Variants in PCDH15 observed in about 807,000 individuals in gnomAD.
PCDH15 encodes protocadherin-15.
In PCDH15, 129 loss-of-function variants were observed where a neutral mutation model predicts 178.5. The observed-to-expected ratio is 0.72, with a 90% confidence interval of 0.63 to 0.84. PCDH15 has a LOEUF of 0.84. PCDH15 is among the 40% of genes least tolerant of loss of function. The pLI is 0.00. For synonymous variants in PCDH15, 800 were observed against 732.0 expected (o/e 1.09, Z -1.50); for missense variants, 2,230 against 2,099.9 (o/e 1.06, Z -1.21).
intron 3 of PCDH15, among the ~76,000 whole-genome samples, chr10:54,516,102 A>G (rs1303848762): frequency 2.0e-5 from 3 of 152,294 alleles, no homozygotes; most frequent in Middle Eastern, 3.4e-3. Flanking sequence ...CTCCTCCTCC[A>G]AAGGAATGCA....
intron 1 of PCDH15, among the ~76,000 whole-genome samples, chr10:54,776,437 T>TAAA (rs60354820): frequency 4.1e-5 from 6 of 145,300 alleles, no homozygotes; most frequent in African/African-American, 1.5e-4. Context: ...ACCATACAAT[T>TAAA]AAAAAAAAAA....
chr10:55,289,832 TATC>T (rs758077160), intron 1 of PCDH15, among the ~76,000 whole-genome samples: 1 of 152,288 alleles, frequency 6.6e-6, no homozygotes, highest in Non-Finnish European at 1.5e-5. Context: ...AATGGATTAA[TATC>T]ATCATCTAGG....
At chr10:53,914,702 A>G (rs1404451217) in intron 25 of PCDH15, among the ~76,000 whole-genome samples, 1 of 151,820 alleles carries the variant, frequency 6.6e-6, no homozygotes, top group Non-Finnish European at 1.5e-5. Flanking sequence ...AACATGGCAC[A>G]TGTATACCTA....
At chr10:54,070,716 A>C (rs2135856076) in intron 17 of PCDH15, among the ~76,000 whole-genome samples, 1 of 152,184 alleles carries the variant, frequency 6.6e-6, no homozygotes, top group South Asian at 2.1e-4. Flanking sequence ...CAGTCTCCTA[A>C]GTAGGTGGGA....
At chr10:54,993,602 G>C (rs1839563869) in intron 2 of PCDH15, among the ~76,000 whole-genome samples, 1 of 152,030 alleles carries the variant, frequency 6.6e-6, no homozygotes, top group South Asian at 2.1e-4. Flanking sequence ...AATTTGAGTA[G>C]CTGATGAATG....
At chr10:54,507,206 G>A (rs895107815) in intron 3 of PCDH15, among the ~76,000 whole-genome samples, 13 of 151,676 alleles carry the variant, frequency 8.6e-5, no homozygotes, top group African/African-American at 3.1e-4. Context: ...CACATTGTTT[G>A]GAAATCCCAA....
chr10:55,218,947 A>T (rs1307982148), intron 1 of PCDH15, among the ~76,000 whole-genome samples: 1 of 151,994 alleles, frequency 6.6e-6, no homozygotes, highest in Non-Finnish European at 1.5e-5. Flanking sequence ...TATTTTGTTG[A>T]TTTCTCCATT....
intron 15 of PCDH15, among the ~76,000 whole-genome samples, chr10:54,117,225 C>A (rs1590579294): frequency 6.6e-6 from 1 of 152,086 alleles, no homozygotes; most frequent in East Asian, 1.9e-4. Context: ...CTGAGCACAG[C>A]CAGGCACACT....
At chr10:54,427,785 T>C (rs1956475688) in intron 3 of PCDH15, among the ~76,000 whole-genome samples, 1 of 152,170 alleles carries the variant, frequency 6.6e-6, no homozygotes, top group East Asian at 1.9e-4. Flanking sequence ...ATATCAATTT[T>C]TTTGACCTAG....
chr10:55,047,514 T>A (rs1841041660), intron 2 of PCDH15, among the ~76,000 whole-genome samples: 1 of 151,840 alleles, frequency 6.6e-6, no homozygotes, highest in African/African-American at 2.4e-5. Context: ...TTTGAAGAAC[T>A]CATAGCTAAC....
chr10:54,369,423 C>A lies in PCDH15; in HGVS notation c.319-148G>T, dbSNP rs1947315829. 1.3e-5 allele frequency: 10 copies of A among 768,620 alleles called. 1 individual carries two copies. In the East Asian group the frequency reaches 2.7e-4, roughly 21 times the overall value. 47.6% of individuals were successfully genotyped at this position (768,620 alleles called of 1,614,324 possible). ...TCAAAGAAAATGATCATTTTAAGGA[C>A]AAGAGAAGACAATCATAATTAATTT... On this transcript the variant is annotated intron_variant, in intron 4 of 37. Coordinates refer to ENST00000644397, the MANE Select transcript of PCDH15 (RefSeq NM_001384140.1).
chr10:55,073,778 G>C (rs1262050523), intron 2 of PCDH15, among the ~76,000 whole-genome samples: 1 of 152,008 alleles, frequency 6.6e-6, no homozygotes, highest in Non-Finnish European at 1.5e-5. Context: ...TCTAACCGTA[G>C]GCTTTTTTGG....
chr10:54,345,875 C>T (rs1271954848), intron 6 of PCDH15, among the ~76,000 whole-genome samples: 1 of 93,048 alleles, frequency 1.1e-5, no homozygotes, highest in African/African-American at 3.9e-5. Context: ...AGAAAAACAA[C>T]AAAATAAAAC....
At chr10:54,599,979 G>T in intron 2 of PCDH15, 1 of 1,239,624 alleles carries the variant, frequency 8.1e-7, no homozygotes, top group Non-Finnish European at 1.2e-6. Context: ...AAAAAGCCAA[G>T]TCTACTGTGC....
At chr10:54,166,881 C>T (rs538763216) in intron 13 of PCDH15, among the ~76,000 whole-genome samples, 1 of 152,176 alleles carries the variant, frequency 6.6e-6, no homozygotes, top group Non-Finnish European at 1.5e-5. Flanking sequence ...TCCTTTTCCT[C>T]GCTCATCCTG....
chr10:55,317,881 G>C (rs1843768266), intron 1 of PCDH15, among the ~76,000 whole-genome samples: 1 of 152,168 alleles, frequency 6.6e-6, no homozygotes, highest in Non-Finnish European at 1.5e-5. Context: ...ATCACGGAAA[G>C]CAAGGTTACA....
chr10:54,434,434 T>C (rs570282447), intron 3 of PCDH15, among the ~76,000 whole-genome samples: 7 of 152,318 alleles, frequency 4.6e-5, no homozygotes, highest in African/African-American at 1.4e-4. Flanking sequence ...TTACTATTTA[T>C]ACAGTATTTT....
chr10:54,782,124 G>A (rs1268911983), intron 1 of PCDH15, among the ~76,000 whole-genome samples: 1 of 152,136 alleles, frequency 6.6e-6, no homozygotes, highest in African/African-American at 2.4e-5. Flanking sequence ...CAGAACAGCT[G>A]ATTTAGTAAC....
At chr10:53,870,736 C>G (rs1373942474) in intron 26 of PCDH15, among the ~76,000 whole-genome samples, 4 of 152,152 alleles carry the variant, frequency 2.6e-5, no homozygotes, top group Non-Finnish European at 5.9e-5. Context: ...AGATGTGACT[C>G]TGATTGATGT....
Sources: allele counts gnomAD v4.1 joint callset (sites outside exome capture counted in the v4.1 genomes callset), GRCh38; gene constraint gnomAD v4.1.1; transcripts MANE v1.5; gene names NCBI Gene and HGNC (gene_info 2026-07-23, HGNC 2026-07-21).